The following NEK11 variants were observed in gnomAD, a reference collection of about 807,000 sequenced individuals.
NEK11 encodes the protein NIMA related kinase 11, also known as serine/threonine-protein kinase Nek11.
Under a neutral mutation model 80.7 loss-of-function variants are expected in NEK11, and 72 were observed. That is an observed-to-expected ratio of 0.89 (90% CI 0.74 to 1.08). The LOEUF is 1.08. Among genes scored for constraint, NEK11 ranks in the 50% least tolerant of loss-of-function variants. The pLI, the probability that NEK11 is intolerant of heterozygous loss-of-function variation, is 0.00. For missense variants in NEK11, 764 were observed against 763.6 expected (o/e 1.00, Z -0.01); for synonymous variants, 251 against 260.7 (o/e 0.96, Z 0.36).
chr3:131,075,495 T>G (rs971271933), intron 3 of NEK11, among the ~76,000 whole-genome samples: 3 of 152,180 alleles, frequency 2.0e-5, no homozygotes, highest in African/African-American at 7.2e-5. Context: ...ATTTTTTAAA[T>G]AAATATTACT....
chr3:131,208,470 C>CT (rs995296416), intron 14 of NEK11, among the ~76,000 whole-genome samples: 1 of 152,088 alleles, frequency 6.6e-6, no homozygotes, highest in African/African-American at 2.4e-5. Context: ...TCCATATGAA[C>CT]TTTAAAATAG....
At chr3:131,223,715 A>T (rs1455946299) in intron 14 of NEK11, among the ~76,000 whole-genome samples, 1 of 151,992 alleles carries the variant, frequency 6.6e-6, no homozygotes, top group African/African-American at 2.4e-5. Flanking sequence ...ATATTTGTCA[A>T]CCCCCCTTGC....
intron 3 of NEK11, chr3:131,072,287 G>C (rs2073519643): frequency 1.3e-5 from 2 of 152,216 alleles, no homozygotes; most frequent in Admixed American, 1.3e-4. Context: ...CCAGCTGGCT[G>C]CCATAGTTCA....
intron 3 of NEK11, among the ~76,000 whole-genome samples, chr3:131,060,331 GA>G (rs1295870646): frequency 2.0e-5 from 3 of 152,220 alleles, no homozygotes; most frequent in Non-Finnish European, 4.4e-5. Context: ...TTTAGTGAGA[GA>G]AAATATGCTT....
At chr3:131,036,330 T>G (rs2065644358) in intron 3 of NEK11, among the ~76,000 whole-genome samples, 1 of 152,244 alleles carries the variant, frequency 6.6e-6, no homozygotes, top group Non-Finnish European at 1.5e-5. Flanking sequence ...TTCTTAACCT[T>G]GGCCAAACAG....
chr3:131,112,734 G>A (rs2080337161), intron 5 of NEK11, among the ~76,000 whole-genome samples: 1 of 152,130 alleles, frequency 6.6e-6, no homozygotes, highest in Non-Finnish European at 1.5e-5. Context: ...TGAAAAATGG[G>A]TCAGAGCTTT....
intron 17 of NEK11, chr3:131,329,281 A>C (rs1217696877): frequency 1.3e-5 from 2 of 152,230 alleles, no homozygotes; most frequent in Non-Finnish European, 2.9e-5. Flanking sequence ...TTATAAAATT[A>C]GGCTATAACT....
At chr3:131,119,453 T>C (rs2081976757) in intron 5 of NEK11, among the ~76,000 whole-genome samples, 1 of 152,166 alleles carries the variant, frequency 6.6e-6, no homozygotes, top group Non-Finnish European at 1.5e-5. Context: ...TCCGTTGATT[T>C]GGGGTGGAGA....
chr3:131,155,495 A>G (rs1420971896), intron 10 of NEK11, among the ~76,000 whole-genome samples: 1 of 152,220 alleles, frequency 6.6e-6, no homozygotes, highest in Non-Finnish European at 1.5e-5. Context: ...CAGAGTATCT[A>G]TTGACAAGAA....
intron 4 of NEK11, among the ~76,000 whole-genome samples, chr3:131,087,100 G>A (rs527750399): frequency 5.9e-5 from 9 of 152,126 alleles, no homozygotes; most frequent in East Asian, 5.8e-4. Context: ...ATAATTGTTC[G>A]TTATTTCACT....
chr3:131,204,756 C>G (rs982358213), intron 14 of NEK11, among the ~76,000 whole-genome samples: 1 of 151,720 alleles, frequency 6.6e-6, no homozygotes, highest in East Asian at 1.9e-4. Context: ...AATTAATTTT[C>G]TAGTGGAAGG....
chr3:131,158,856 AC>A (rs1223995472), intron 10 of NEK11, among the ~76,000 whole-genome samples: 1 of 152,318 alleles, frequency 6.6e-6, no homozygotes, highest in East Asian at 1.9e-4. Flanking sequence ...CCACCATCCT[AC>A]AAAATGGTAT....
chr3:131,038,693 C>A (rs567723505), intron 3 of NEK11, among the ~76,000 whole-genome samples: 1 of 152,116 alleles, frequency 6.6e-6, no homozygotes, highest in African/African-American at 2.4e-5. Context: ...TTTTTTCTTA[C>A]ATTACTGTTG....
At chr3:131,300,728 A>G (rs886297159) in intron 17 of NEK11, among the ~76,000 whole-genome samples, 24 of 151,884 alleles carry the variant, frequency 1.6e-4, no homozygotes, top group Admixed American at 1.5e-3. Flanking sequence ...GTTCTGTTCC[A>G]TTGTTCTGTG....
intron 17 of NEK11, among the ~76,000 whole-genome samples, chr3:131,288,451 T>TTTC (rs555505456): frequency 7.9e-5 from 5 of 63,542 alleles, no homozygotes; most frequent in African/African-American, 1.1e-4. Context: ...TCTTTCTTTC[T>TTTC]TTTTTTTTTT....
At chr3:131,330,209 A>T (rs566127260) in intron 17 of NEK11, 2 of 152,346 alleles carry the variant, frequency 1.3e-5, no homozygotes, top group African/African-American at 4.8e-5. Flanking sequence ...CAGGTTTTTG[A>T]CCTGAAAAGG....
At chr3:131,101,002 C>T (rs2078283733) in intron 4 of NEK11, among the ~76,000 whole-genome samples, 1 of 152,050 alleles carries the variant, frequency 6.6e-6, no homozygotes, top group African/African-American at 2.4e-5. Flanking sequence ...TGTGTTTCCT[C>T]TAGATTTTCT....
At chr3:131,197,508 AG>A (rs2094066363) in intron 14 of NEK11, among the ~76,000 whole-genome samples, 1 of 152,108 alleles carries the variant, frequency 6.6e-6, no homozygotes, top group Admixed American at 6.5e-5. Context: ...TATGGCCTGA[AG>A]TGCAGGGGAT....
intron 7 of NEK11, among the ~76,000 whole-genome samples, chr3:131,141,874 GAAA>G (rs1254552962): frequency 1.3e-5 from 2 of 152,138 alleles, no homozygotes; most frequent in Admixed American, 1.3e-4. Flanking sequence ...ATGTAATTAT[GAAA>G]AGAAGCTTGT....
Sources: allele counts gnomAD v4.1 joint callset (sites outside exome capture counted in the v4.1 genomes callset), GRCh38; gene constraint gnomAD v4.1.1; transcripts MANE v1.5; gene names NCBI Gene and HGNC (gene_info 2026-07-23, HGNC 2026-07-21).